The following TEX9 variants were observed in gnomAD, a reference collection of about 807,000 sequenced individuals.
The protein encoded by TEX9 is testis-expressed protein 9.
In TEX9, 74 loss-of-function variants were observed where a neutral mutation model predicts 59.6. The observed-to-expected ratio is 1.24, with a 90% CI of 1.03 to 1.51. The LOEUF (loss-of-function observed/expected upper bound fraction) is 1.51. Ranked by LOEUF, TEX9 falls within the 40% of genes most tolerant of loss-of-function variation. The pLI, the probability that TEX9 is intolerant of heterozygous loss-of-function variation, is 0.00. For synonymous variants in TEX9, 186 were observed against 152.2 expected (o/e 1.22, Z -1.64); for missense variants, 522 against 447.8 (o/e 1.17, Z -1.49).
rs75331271 is a variant in TEX9, at chr15:56,348,832, C to A, written c.-106-24609C>A. Among the ~76,000 whole-genome samples the A allele has an allele frequency of 7.9e-3, 1,206 of 152,150 alleles. 14 individuals carry two copies. Among genetic ancestry groups the A allele is most frequent in the African/African-American group, 0.027 (1,129 of 41,542 alleles). On this transcript the variant is annotated intron_variant, in intron 1 of 5. Coordinates refer to the TEX9 transcript ENST00000560827. ...TTTCTTCTGCCTCATTCTGTCTTTTCCTTCCTCCTGTGATTTTTACAATAA... is the reference window on the plus strand; with the variant it reads ...TTTCTTCTGCCTCATTCTGTCTTTTACTTCCTCCTGTGATTTTTACAATAA...
At chr15:56,353,155 C>T (rs973021543) in intron 1 of TEX9, among the ~76,000 whole-genome samples, 2 of 152,036 alleles carry the variant, frequency 1.3e-5, no homozygotes, top group Admixed American at 1.3e-4. Context: ...ATACCATGAC[C>T]ACAGCTGATT....
At chr15:56,399,977 G>A (rs1435325082) in intron 9 of TEX9, among the ~76,000 whole-genome samples, 1 of 152,180 alleles carries the variant, frequency 6.6e-6, no homozygotes, top group Non-Finnish European at 1.5e-5. Context: ...AACCCCATCT[G>A]TAGTTACCAA....
In TEX9 at chr15:56,300,698, A is replaced by AGG. The variant is rs1567077574; in HGVS notation, c.-107+56421_-107+56422insGG. Reference sequence around the variant, plus strand: ...CAAGCAACTCAGCAGAGAGAGAGAGAGAGAGAGAGGGAGAGAGAGAGAGAG... The same window carrying AGG: ...CAAGCAACTCAGCAGAGAGAGAGAGAGGGAGAGAGAGGGAGAGAGAGAGAGAG... On this transcript the variant is annotated intron_variant, in intron 1 of 5. Transcript: ENST00000560827. Among the ~76,000 whole-genome samples the AGG allele has an allele frequency of 1.5e-3, 90 of 60,864 alleles. 1 individual carries two copies. The highest frequency in any genetic ancestry group is 0.013 in the Middle Eastern group (1 of 80). The allele number at this position is 60,864 out of a possible 152,430, so 39.9% of individuals were successfully genotyped here. A position where few individuals can be genotyped will look rare whatever the true frequency, so the allele number is the denominator to read the frequency against.
intron 1 of TEX9, among the ~76,000 whole-genome samples, chr15:56,266,493 C>T (rs2044386590): frequency 1.4e-5 from 2 of 141,226 alleles, no homozygotes; most frequent in African/African-American, 5.2e-5. Flanking sequence ...CACCCAATGA[C>T]AGGCCCCGGT....
intron 3 of TEX9, among the ~76,000 whole-genome samples, chr15:56,375,870 A>C (rs1396821923): frequency 1.3e-5 from 2 of 151,144 alleles, no homozygotes; most frequent in African/African-American, 4.9e-5. Flanking sequence ...GCACATATAC[A>C]CCATGGAATA....
At chr15:56,365,798 T>C in intron 2 of TEX9, 128 bp downstream of exon 2, 2 of 1,468,360 alleles carry the variant, frequency 1.4e-6, no homozygotes, top group Non-Finnish European at 9.0e-7. Context: ...CTTCTCGTCA[T>C]CTCGTTCACC....
intron 1 of TEX9, among the ~76,000 whole-genome samples, chr15:56,251,187 A>T (rs1195177876): frequency 6.6e-6 from 1 of 151,998 alleles, no homozygotes; most frequent in Non-Finnish European, 1.5e-5. Context: ...TTCCCTTACC[A>T]TCTCCTGAAG....
Position 56,318,316 on chromosome 15 carries a change from C to A in TEX9, c.-106-55125C>A, listed in dbSNP as rs2713903. ...TCTATTTCATCTGATATAAATATAG[C>A]TGCTCCAATTCTTTTTTGTTTACTG... On this transcript the variant is annotated intron_variant, in intron 1 of 5. Coordinates refer to the TEX9 transcript ENST00000560827. Among the ~76,000 whole-genome samples the A allele has an allele frequency of 2.0e-5, 3 of 152,026 alleles. No homozygotes were observed. The South Asian group carries it at 6.2e-4, about 31-fold the overall frequency.
At chr15:56,370,006 T>C (rs1231159069) in intron 2 of TEX9, among the ~76,000 whole-genome samples, 2 of 152,212 alleles carry the variant, frequency 1.3e-5, no homozygotes, top group East Asian at 3.8e-4. Context: ...GTTCAAACTT[T>C]GTATGTCATT....
At chr15:56,300,708 G>GAGGGGGA (rs2045331855) in intron 1 of TEX9, among the ~76,000 whole-genome samples, 1 of 102,670 alleles carries the variant, frequency 9.7e-6, no homozygotes. Flanking sequence ...AGAGAGAGAG[G>GAGGGGGA]GAGAGAGAGA....
At chr15:56,374,700 C>T (rs561341406) in intron 3 of TEX9, 1 of 152,208 alleles carries the variant, frequency 6.6e-6, no homozygotes, top group East Asian at 1.9e-4. Context: ...CCCTGCATCC[C>T]CCATTACCCT....
At chr15:56,429,706 C>A (rs2050515209) in intron 12 of TEX9, 1 of 152,122 alleles carries the variant, frequency 6.6e-6, no homozygotes, top group African/African-American at 2.4e-5. Context: ...TTCTTTTCCC[C>A]TACAGTATAC....
intron 2 of TEX9, among the ~76,000 whole-genome samples, chr15:56,368,871 G>A (rs1173560052): frequency 4.6e-5 from 7 of 152,070 alleles, no homozygotes; most frequent in East Asian, 3.9e-4. Context: ...TGGTTTTCTT[G>A]CTAATCTGTG....
intron 7 of TEX9, 134 bp from the exon 8 acceptor site, chr15:56,394,031 G>A: frequency 1.0e-5 from 7 of 666,944 alleles, no homozygotes; most frequent in Non-Finnish European, 1.3e-5. Context: ...TACCTATAGT[G>A]CCCCCTAACA....
At chr15:56,371,124 A>G (rs929473897) in intron 2 of TEX9, among the ~76,000 whole-genome samples, 2 of 152,198 alleles carry the variant, frequency 1.3e-5, no homozygotes, top group East Asian at 3.8e-4. Flanking sequence ...CTGGGATTAC[A>G]GATGTGAGCC....
At chr15:56,404,148 C>G (rs1389547493) in intron 9 of TEX9, among the ~76,000 whole-genome samples, 2 of 152,190 alleles carry the variant, frequency 1.3e-5, no homozygotes, top group Non-Finnish European at 2.9e-5. Flanking sequence ...TCTAATTAAA[C>G]TAAAGACCTT....
chr15:56,327,462 C>T (rs12441143), intron 1 of TEX9, among the ~76,000 whole-genome samples: 1 of 152,186 alleles, frequency 6.6e-6, no homozygotes, highest in African/African-American at 2.4e-5. Context: ...AAGTAGAAGC[C>T]TCCACTCATT....
At chr15:56,447,733 G>T (rs2050917634), downstream of TEX9, 1 of 152,148 alleles carries the variant, frequency 6.6e-6, no homozygotes, top group Non-Finnish European at 1.5e-5. Flanking sequence ...GTATGCACCT[G>T]TGAAACCATC....
chr15:56,267,058 G>A (rs1028290129), intron 1 of TEX9, among the ~76,000 whole-genome samples: 1 of 152,128 alleles, frequency 6.6e-6, no homozygotes, highest in Admixed American at 6.5e-5. Flanking sequence ...GTTTTGATTT[G>A]CATTTCTCTG....
Sources: allele counts gnomAD v4.1 joint callset (sites outside exome capture counted in the v4.1 genomes callset), GRCh38; gene constraint gnomAD v4.1.1; transcripts MANE v1.5; gene names NCBI Gene and HGNC (gene_info 2026-07-23, HGNC 2026-07-21).